EP400: variants seen among roughly 807,000 people sequenced by gnomAD.
EP400 encodes E1A binding protein p400, also known as E1A-binding protein p400.
EP400 carries 105 observed loss-of-function variants against 354.1 expected under a neutral mutation model. The observed-to-expected ratio is 0.30, with a 90% CI of 0.25 to 0.35. The LOEUF (loss-of-function observed/expected upper bound fraction) is 0.35, where lower values mean the gene tolerates loss of function less well. Among genes scored for constraint, EP400 ranks in the 10% least tolerant of loss-of-function variants. The pLI is 1.00. For missense variants in EP400, 3,280 were observed against 4,121.0 expected (o/e 0.80, Z 5.59); for synonymous variants, 1,646 against 1,716.9 (o/e 0.96, Z 1.02).
At chr12:131,972,117 T>A (rs1476008177) in intron 2 of EP400, among the ~76,000 whole-genome samples, 1 of 151,794 alleles carries the variant, frequency 6.6e-6, no homozygotes, top group Non-Finnish European at 1.5e-5. Flanking sequence ...TAGGAAAAAA[T>A]TCAGCGTGAG....
At chr12:132,005,263 G>A in intron 13 of EP400, 79 bp downstream of exon 13, 2 of 1,043,648 alleles carry the variant, frequency 1.9e-6, no homozygotes, top group South Asian at 2.3e-5. Flanking sequence ...ATAAGATTTA[G>A]AAAATTTCTT....
intron 23 of EP400, 73 bp from the exon 24 acceptor site, chr12:132,023,704 C>T (rs577442685): frequency 2.9e-5 from 43 of 1,491,592 alleles, no homozygotes; most frequent in African/African-American, 1.3e-4. Flanking sequence ...ATACAAGAAA[C>T]GACTGTCAAT....
chr12:131,991,326 C>T, intron 9 of EP400, 81 bp from the exon 10 acceptor site: 1 of 1,429,624 alleles, frequency 7.0e-7, no homozygotes, highest in South Asian at 1.1e-5. Flanking sequence ...GTGGAGGCAG[C>T]AGGACCCTGC....
rs1259140112 is a variant in EP400 at position 132,050,058 on chromosome 12, T to G, written c.7201-265T>G. On this transcript the variant is annotated intron_variant, in intron 39 of 52. Coordinates refer to ENST00000389561, the MANE Select transcript of EP400 (RefSeq NM_015409.5). The surrounding 1 kb of genome is among the most constrained non-coding windows in gnomAD (Gnocchi z 4.8). ...CACCTGTTTTGTTCCCTCTCCCTCT[T>G]GGGGTGATTATGGGGCTTACGTGAG... 6.6e-6 allele frequency among the ~76,000 whole-genome samples: 1 copy of G among 152,158 alleles called. No homozygotes were observed. The highest frequency in any genetic ancestry group is 1.5e-5 in the Non-Finnish European group (1 of 68,026).
At position 132,020,236 on chromosome 12, in the gene EP400, G is replaced by T; in HGVS notation, c.4447+18G>T. 1 of 1,584,164 alleles carries T rather than the reference G, an allele frequency of 6.3e-7. No individual in the cohort carries two copies. The highest frequency in any genetic ancestry group is 8.6e-7 in the Non-Finnish European group (1 of 1,163,800). ...GGCAAAAGGTAGACTTCACGTAGTT[G>T]TCTGCTCTCCGCCTTATGGAGGTTT... On this transcript the variant is annotated intron_variant, in intron 22 of 52. Transcript: ENST00000389561.
chr12:132,006,246 G>A lies in EP400; in HGVS notation c.3070G>A (p.Val1024Ile), dbSNP rs148467001. The change falls in exon 14 of 53, where the codon GTC (valine) becomes ATC (isoleucine). Residue 1024 changes from valine (V) to isoleucine (I), a missense_variant. By Grantham distance (29) the Val-to-Ile change is conservative. Transcript: ENST00000389561. Reference sequence around the variant, plus strand: ...GCCAAACGCCAAGGACATTGCGGACGTCACTGCGGTGGCTGAAGCCATCCT... The same window carrying A: ...GCCAAACGCCAAGGACATTGCGGACATCACTGCGGTGGCTGAAGCCATCCT... ...GKPNAKDIADVTAVAEAILPK... is the reference protein window; with the variant it reads ...GKPNAKDIADITAVAEAILPK... 1.1e-5 allele frequency: 18 copies of A among 1,614,098 alleles called. No individual in the cohort carries two copies. In the African/African-American group the frequency reaches 1.3e-4, roughly 12 times the overall value.
rs772626097 is a variant in EP400 at position 132,021,272 on chromosome 12, G to A, written c.4641G>A (p.Ala1547=). The change falls in exon 23 of 53, where the codon GCG becomes GCA. Residue 1547 remains alanine (A), a synonymous_variant. Coordinates refer to ENST00000389561, the MANE Select transcript of EP400 (RefSeq NM_015409.5). ...QAPSHAAGQS[A]LPQRLVLPSQ... ...CCTCGCACGCGGCCGGGCAGAGCGCGCTGCCTCAGAGGCTGGTGCTCCCCT... is the reference window on the plus strand; with the variant it reads ...CCTCGCACGCGGCCGGGCAGAGCGCACTGCCTCAGAGGCTGGTGCTCCCCT... The A allele has an allele frequency of 1.2e-5, 19 of 1,531,262 alleles. No homozygotes were observed. The highest frequency in any genetic ancestry group is 7.3e-5 in the East Asian group (3 of 41,208). 94.9% of individuals were successfully genotyped at this position (1,531,262 alleles called of 1,614,324 possible). A position where few individuals can be genotyped will look rare whatever the true frequency, so the allele number is the denominator to read the frequency against.
chr12:131,979,337 G>A (rs909582555), intron 2 of EP400, among the ~76,000 whole-genome samples: 1 of 152,146 alleles, frequency 6.6e-6, no homozygotes, highest in South Asian at 2.1e-4. Context: ...AGTTATGCTG[G>A]GCAGTGTGAC....
intron 32 of EP400, among the ~76,000 whole-genome samples, chr12:132,039,372 G>C (rs904326801): frequency 2.0e-5 from 3 of 152,130 alleles, no homozygotes; most frequent in African/African-American, 7.2e-5. Context: ...TGGAAGGGGA[G>C]GGGGGAGCTG....
chr12:132,001,205 G>A (rs548776034), intron 12 of EP400, among the ~76,000 whole-genome samples: 9 of 152,062 alleles, frequency 5.9e-5, no homozygotes, highest in Non-Finnish European at 8.8e-5. Context: ...TAGTGGCCCC[G>A]AATGTCTGGC....
intron 2 of EP400, among the ~76,000 whole-genome samples, chr12:131,966,273 G>C (rs1157093941): frequency 6.6e-6 from 1 of 151,942 alleles, no homozygotes; most frequent in East Asian, 1.9e-4. Context: ...TTGAGGCTGG[G>C]AATTTAAGAC....
intron 29 of EP400, among the ~76,000 whole-genome samples, chr12:132,031,656 C>G (rs1207697046): frequency 6.6e-6 from 1 of 152,182 alleles, no homozygotes; most frequent in Non-Finnish European, 1.5e-5. Context: ...CCCGGGTTCA[C>G]GCCATTCTCC....
chr12:132,058,564 C>G (rs1158703327), intron 45 of EP400, among the ~76,000 whole-genome samples: 2 of 152,050 alleles, frequency 1.3e-5, no homozygotes, highest in East Asian at 3.9e-4. Context: ...CTTGGCCTGG[C>G]TGGTCTTGAA....
At chr12:132,014,020 G>GT (rs763360290) in intron 19 of EP400, 107 bp downstream of exon 19, 181 of 1,483,572 alleles carry the variant, frequency 1.2e-4, no homozygotes, top group Non-Finnish European at 1.6e-4. Flanking sequence ...AGGATTGGGT[G>GT]TCTGGAGCTG....
At chr12:131,952,913 C>T (rs776073434) in intron 1 of EP400, among the ~76,000 whole-genome samples, 6 of 152,122 alleles carry the variant, frequency 3.9e-5, no homozygotes, top group Non-Finnish European at 5.9e-5. Context: ...ATCCAAACAA[C>T]ACAGAAATAC....
chr12:131,981,544 C>T lies in EP400; in HGVS notation c.1491C>T (p.His497=), dbSNP rs765414308. The T allele has an allele frequency of 6.2e-7, 1 of 1,601,730 alleles. No individual in the cohort carries two copies. Among genetic ancestry groups the T allele is most frequent in the Admixed American group, 1.7e-5 (1 of 58,074 alleles). ...EVGHQGVVFQ[H]PGADAGVPLQ... ...GTCACCAAGGGGTAGTTTTCCAGCA[C>T]CCAGGGGCGGACGCAGGCGTTCCTC... is the stretch of plus-strand genomic sequence containing the variant. Residue 497 remains histidine (H), a synonymous_variant, in exon 4 of 53, where the codon CAC becomes CAT. Coordinates refer to ENST00000389561, the MANE Select transcript of EP400 (RefSeq NM_015409.5).
rs1894418451 is a variant in EP400 at position 132,029,587 on chromosome 12, T to C, written c.5382-114T>C. 2 of 1,203,390 alleles carry C rather than the reference T, an allele frequency of 1.7e-6. No individual in the cohort carries two copies. Among genetic ancestry groups the C allele is most frequent in the Non-Finnish European group, 2.4e-6 (2 of 844,102 alleles). 74.5% of individuals were successfully genotyped at this position (1,203,390 alleles called of 1,614,324 possible). A position where few individuals can be genotyped will look rare whatever the true frequency, so the allele number is the denominator to read the frequency against. On this transcript the variant is annotated intron_variant, in intron 27 of 52. Coordinates refer to ENST00000389561, the MANE Select transcript of EP400 (RefSeq NM_015409.5). This position sits in a 1 kb window ranked among gnomAD's most constrained non-coding sequence, Gnocchi z 4.7. ...ATCCCCATGTGACTGGGTTGAGCCC[T>C]GCTGTTTCCTGGGACTTGGACTGTC... is the stretch of plus-strand genomic sequence containing the variant.
intron 2 of EP400, among the ~76,000 whole-genome samples, chr12:131,962,622 T>G (rs1453959939): frequency 6.6e-6 from 1 of 152,258 alleles, no homozygotes; most frequent in African/African-American, 2.4e-5. Flanking sequence ...TAAGTGATAT[T>G]TAAGAGTGAC....
At position 131,985,151 on chromosome 12, in the gene EP400, C is replaced by A. The variant is rs138990164; in HGVS notation, c.1930-1363C>A. 3.6e-4 allele frequency among the ~76,000 whole-genome samples: 55 copies of A among 152,270 alleles called. 1 individual carries two copies. The East Asian group carries it at 8.9e-3, about 25-fold the overall frequency. On this transcript the variant is annotated intron_variant, in intron 5 of 52. Coordinates refer to ENST00000389561, the MANE Select transcript of EP400 (RefSeq NM_015409.5). ...GATTACAGGCGTGAGCCGCCACACC[C>A]AGCCTGGAAAATGATTTTAAAGAAG...
Sources: allele counts gnomAD v4.1 joint callset (sites outside exome capture counted in the v4.1 genomes callset), GRCh38; gene constraint gnomAD v4.1.1; non-coding constraint Gnocchi (gnomAD v3.1); transcripts MANE v1.5; gene names NCBI Gene and HGNC (gene_info 2026-07-23, HGNC 2026-07-21).